The following ZDHHC21 variants were observed in gnomAD, a reference collection of about 807,000 sequenced individuals.
ZDHHC21 encodes the protein zDHHC palmitoyltransferase 21.
A neutral mutation model predicts 34.6 loss-of-function variants in ZDHHC21; 15 were observed. The observed-to-expected ratio is 0.43, with a 90% confidence interval of 0.29 to 0.67. The LOEUF (loss-of-function observed/expected upper bound fraction) is 0.67, where lower values mean the gene tolerates loss of function less well. Among genes scored for constraint, ZDHHC21 ranks in the 30% least tolerant of loss-of-function variants. The pLI is 0.14. For missense variants in ZDHHC21, 344 were observed against 327.7 expected, an observed-to-expected ratio of 1.05 and a Z score of -0.38; for synonymous variants, 142 against 101.8, an observed-to-expected ratio of 1.40 and a Z score of -2.38.
rs1350000765 is a variant in ZDHHC21 at position 14,616,695 on chromosome 9, G to T, written c.*2271C>A. The T allele has an allele frequency of 6.6e-6, 1 of 151,754 alleles. No homozygotes were observed. The highest frequency in any genetic ancestry group is 2.4e-5 in the African/African-American group (1 of 41,390). 9.4% of individuals were successfully genotyped at this position (151,754 alleles called of 1,614,324 possible). ...GTACGCTAACTGGGGAATACTGAAA[G>T]TTACAGTGTTAAGTATATATAGATA... On this transcript the variant is annotated 3_prime_UTR_variant, in exon 10 of 10. Transcript: ENST00000380916.
At chr9:14,673,564 T>G (rs940336151) in intron 4 of ZDHHC21, among the ~76,000 whole-genome samples, 1 of 151,610 alleles carries the variant, frequency 6.6e-6, no homozygotes, top group Non-Finnish European at 1.5e-5. Context: ...GTAAAGGGAA[T>G]AGTCTGAGTG....
Position 14,614,228 on chromosome 9 carries a change from G to C in ZDHHC21, c.*4738C>G, listed in dbSNP as rs994272159. 6.6e-6 allele frequency: 1 copy of C among 151,586 alleles called. No homozygotes were observed. The highest frequency in any genetic ancestry group is 1.5e-5 in the Non-Finnish European group (1 of 67,722). 9.4% of individuals were successfully genotyped at this position (151,586 alleles called of 1,614,324 possible). A position where few individuals can be genotyped will look rare whatever the true frequency, so the allele number is the denominator to read the frequency against. On this transcript the variant is annotated 3_prime_UTR_variant, in exon 10 of 10. Coordinates refer to ENST00000380916, the MANE Select transcript of ZDHHC21 (RefSeq NM_178566.6). ...ACTACTCATTTGTACCTATTCTCTA[G>C]GGTGGACAAGGCAAAAAGAACATAA...
chr9:14,693,405 C>A lies in ZDHHC21; in HGVS notation c.-401G>T. The A allele has an allele frequency of 3.4e-6, 1 of 297,314 alleles. No individual in the cohort carries two copies. The allele number at this position is 297,314 out of a possible 1,614,324, so 18.4% of individuals were successfully genotyped here. A position where few individuals can be genotyped will look rare whatever the true frequency, so the allele number is the denominator to read the frequency against. ...ACCGGCCGAGTGGGTGTCCGCATGC[C>A]CGCGCGCCCGCGTGGGGAGGGACGA... is the stretch of plus-strand genomic sequence containing the variant. On this transcript the variant is annotated 5_prime_UTR_variant, in exon 1 of 10. Transcript: ENST00000380916.
intron 2 of ZDHHC21, among the ~76,000 whole-genome samples, chr9:14,690,088 C>G (rs1005100237): frequency 4.6e-5 from 7 of 152,106 alleles, no homozygotes; most frequent in African/African-American, 1.7e-4. Context: ...AAAATCAGCA[C>G]AAGGAAAAAA....
chr9:14,656,485 T>G (rs913047454), intron 7 of ZDHHC21, among the ~76,000 whole-genome samples: 1 of 151,908 alleles, frequency 6.6e-6, no homozygotes, highest in Admixed American at 6.6e-5. Context: ...TGAGATAATA[T>G]ATCATAAACA....
At chr9:14,677,951 C>T (rs1473939189) in intron 3 of ZDHHC21, among the ~76,000 whole-genome samples, 1 of 151,978 alleles carries the variant, frequency 6.6e-6, no homozygotes, top group African/African-American at 2.4e-5. Flanking sequence ...AAATAATTAC[C>T]AAGAAATCTA....
chr9:14,674,279 A>G lies in ZDHHC21; in HGVS notation c.62T>C (p.Val21Ala), dbSNP rs770085493. ...PHGWCCMGLI[V>A]FVWLYNIVLI... ...AACAATATTGTATAACCAAACAAAG[A>G]CAATCAAACCCATGCAGCACCAACC... Residue 21 changes from valine (V) to alanine (A), a missense_variant, in exon 4 of 10, where the codon GTC becomes GCC. Coordinates refer to ENST00000380916, the MANE Select transcript of ZDHHC21 (RefSeq NM_178566.6). 5.6e-6 allele frequency: 9 copies of G among 1,598,274 alleles called. No individual in the cohort carries two copies. Among genetic ancestry groups the G allele is most frequent in the Non-Finnish European group, 7.7e-6 (9 of 1,174,096 alleles).
chr9:14,655,584 G>A (rs865845127), intron 7 of ZDHHC21, among the ~76,000 whole-genome samples: 5 of 151,892 alleles, frequency 3.3e-5, no homozygotes, highest in Middle Eastern at 3.4e-3. Context: ...CAAGACCACT[G>A]CTTTCATTAG....
the ZDHHC21 span, among the ~76,000 whole-genome samples, chr9:14,597,725 TCTGCCCTAC>T: frequency 8.6e-5 from 13 of 151,852 alleles, no homozygotes. Flanking sequence ...TGAGAACTGA[TCTGCCCTAC>T]CTGCCACCAC....
At position 14,613,176 on chromosome 9, in the gene ZDHHC21, T is replaced by A. The variant is rs1201386936; in HGVS notation, c.*5790A>T. On this transcript the variant is annotated 3_prime_UTR_variant, in exon 10 of 10. Coordinates refer to ENST00000380916, the MANE Select transcript of ZDHHC21 (RefSeq NM_178566.6). ...CAAATGAGAAACATTTAAAATCCAT[T>A]AAATTGCCAGAGCAGCATGCAAAAA... 1 of 151,828 alleles carries A rather than the reference T, an allele frequency of 6.6e-6. No homozygotes were observed. Among genetic ancestry groups the A allele is most frequent in the Non-Finnish European group, 1.5e-5 (1 of 67,842 alleles). 9.4% of individuals were successfully genotyped at this position (151,828 alleles called of 1,614,324 possible).
At chr9:14,637,241 C>A (rs1242476059) in intron 8 of ZDHHC21, among the ~76,000 whole-genome samples, 3 of 151,816 alleles carry the variant, frequency 2.0e-5, no homozygotes, top group Admixed American at 2.0e-4. Context: ...CATTGAAATA[C>A]AAAGATTATC....
chr9:14,649,285 G>A (rs1264578801), intron 7 of ZDHHC21, among the ~76,000 whole-genome samples: 2 of 151,976 alleles, frequency 1.3e-5, no homozygotes, highest in Non-Finnish European at 2.9e-5. Context: ...AAAAATAACA[G>A]AAACAGCTTA....
intron 8 of ZDHHC21, among the ~76,000 whole-genome samples, chr9:14,631,038 A>G (rs951628303): frequency 6.6e-6 from 1 of 152,174 alleles, no homozygotes; most frequent in African/African-American, 2.4e-5. Context: ...GTAACAAGAG[A>G]GTCAGTCTGT....
At chr9:14,655,405 A>G (rs1253769247) in intron 7 of ZDHHC21, among the ~76,000 whole-genome samples, 7 of 151,994 alleles carry the variant, frequency 4.6e-5, no homozygotes, top group Non-Finnish European at 1.0e-4. Flanking sequence ...AAAAGCACCA[A>G]TATGTAGATA....
At chr9:14,619,883 CA>C (rs5896639) in intron 8 of ZDHHC21, among the ~76,000 whole-genome samples, 9 of 150,224 alleles carry the variant, frequency 6.0e-5, no homozygotes, top group African/African-American at 2.2e-4. Flanking sequence ...TTATACTATG[CA>C]AAAAAAAACC....
chr9:14,648,708 G>A (rs1032194877), intron 7 of ZDHHC21, among the ~76,000 whole-genome samples: 1 of 152,042 alleles, frequency 6.6e-6, no homozygotes, highest in African/African-American at 2.4e-5. Flanking sequence ...CAGGAACTTT[G>A]TTTTAGAGCC....
chr9:14,624,025 G>C (rs2133481787), intron 8 of ZDHHC21, among the ~76,000 whole-genome samples: 1 of 152,126 alleles, frequency 6.6e-6, no homozygotes, highest in Non-Finnish European at 1.5e-5. Flanking sequence ...TACACTGTCA[G>C]CCCTCCATAT....
intron 3 of ZDHHC21, chr9:14,677,338 G>C (rs1226692475): frequency 6.6e-6 from 1 of 151,726 alleles, no homozygotes; most frequent in Non-Finnish European, 1.5e-5. Context: ...CTCTCAATTG[G>C]GTCGTAGAAC....
At chr9:14,629,259 A>G (rs372429233) in intron 8 of ZDHHC21, among the ~76,000 whole-genome samples, 1 of 152,182 alleles carries the variant, frequency 6.6e-6, no homozygotes, top group African/African-American at 2.4e-5. Context: ...TTATTCAACA[A>G]ATGTGGTTTC....
Sources: gnomAD v4.1 joint callset for allele counts (sites outside exome capture counted in the v4.1 genomes callset) on GRCh38, gnomAD v4.1.1 for gene constraint, MANE v1.5 for transcripts, NCBI Gene and HGNC (gene_info 2026-07-23, HGNC 2026-07-21) for gene names.